MFRP: variants seen among roughly 807,000 people sequenced by gnomAD.
MFRP encodes the protein C1q and TNF related 5.
In MFRP, 74 loss-of-function variants were observed where a neutral mutation model predicts 65.8. That is an observed-to-expected ratio of 1.12 (90% CI 0.93 to 1.36). The LOEUF is 1.36. Among genes scored for constraint, MFRP ranks in the 40% most tolerant of loss-of-function variants. The probability of loss-of-function intolerance (pLI) is 0.00; values close to 1 mark genes in which losing one functional copy is unlikely to be tolerated. For missense variants in MFRP, 838 were observed against 736.0 expected (o/e 1.14, Z -1.60); for synonymous variants, 336 against 288.3 (o/e 1.17, Z -1.68).
At chr11:119,342,797 A>G in intron 10 of MFRP, 70 bp from the exon 11 acceptor site, 1 of 1,612,952 alleles carries the variant, frequency 6.2e-7, no homozygotes, top group Non-Finnish European at 8.5e-7. Context: ...GAGTGTCCTG[A>G]CCAGGGTCCA....
At position 119,339,218 on chromosome 11, in the gene MFRP, C is replaced by T. The variant is rs2135363583; in HGVS notation, c.*1741G>A. On this transcript the variant is annotated 3_prime_UTR_variant, in exon 15 of 15. Coordinates refer to ENST00000619721, the MANE Select transcript of MFRP (RefSeq NM_031433.4). The surrounding 1 kb of genome is among the most constrained non-coding windows in gnomAD (Gnocchi z 5.4). ...GCAGGACGGAGAGTGCTCTACCCCA[C>T]CTCCCTAGTCATTCACAATATTCCA... is the stretch of plus-strand genomic sequence containing the variant. 1 of 1,239,782 alleles carries T rather than the reference C, an allele frequency of 8.1e-7. No individual in the cohort carries two copies. Among genetic ancestry groups the T allele is most frequent in the Middle Eastern group, 2.2e-4 (1 of 4,622 alleles). The allele number at this position is 1,239,782 out of a possible 1,614,324, so 76.8% of individuals were successfully genotyped here.
Position 119,346,147 on chromosome 11 carries a change from C to G in MFRP, c.170G>C (p.Arg57Pro), listed in dbSNP as rs746764269. ...GAAGCGGCAGTCTGGCCGTAGCCCT[C>G]GAGGACGCCGACCTGCGGGTTGGCA... ...VPAPWHGRRP[R>P]GLRPDCRFSW... is the part of the protein sequence containing the mutation. Residue 57 changes from arginine (R) to proline (P), a missense_variant, in exon 3 of 15, where the codon CGA (arginine) becomes CCA (proline). Transcript: ENST00000619721. 2 of 1,593,414 alleles carry G rather than the reference C, an allele frequency of 1.3e-6. No individual in the cohort carries two copies. The highest frequency in any genetic ancestry group is 2.3e-5 in the South Asian group (2 of 88,634).
chr11:119,345,192 T>C (rs186616104), intron 5 of MFRP, among the ~76,000 whole-genome samples, 188 bp from the exon 6 acceptor site: 183 of 152,328 alleles, frequency 1.2e-3, no homozygotes, highest in Non-Finnish European at 2.1e-3. Context: ...TTGTAGCATC[T>C]ACTCATGGGG....
In MFRP at chr11:119,345,521, A is replaced by C. The variant is rs2510143; in HGVS notation, c.540T>G (p.His180Gln). 6.2e-7 allele frequency: 1 copy of C among 1,614,016 alleles called. No individual in the cohort carries two copies. The highest frequency in any genetic ancestry group is 1.7e-5 in the Admixed American group (1 of 60,018). The change falls in exon 5 of 15, where the codon CAT (histidine) becomes CAG (glutamine). Residue 180 changes from histidine to glutamine, a missense_variant. Coordinates refer to ENST00000619721, the MANE Select transcript of MFRP (RefSeq NM_031433.4). ...GGGCTTCGATCTTGAGCTGTATTGC[A>C]TGGTCTGTGGCCACCTGGATATGCC... is the stretch of plus-strand genomic sequence containing the variant. The part of the protein sequence containing the change: ...CVWHIQVATD[H>Q]AIQLKIEALS...
rs3814762 is a variant in MFRP, at chr11:119,345,794, C to G, written c.406G>C (p.Val136Leu). The G allele has an allele frequency of 6.2e-7, 1 of 1,613,430 alleles. No homozygotes were observed. Among genetic ancestry groups the G allele is most frequent in the African/African-American group, 1.3e-5 (1 of 74,972 alleles). The change falls in exon 4 of 15, where the codon GTG becomes CTG. Residue 136 changes from valine (V) to leucine (L), a missense_variant. Physicochemically the swap from Val to Leu is conservative, Grantham distance 32. Transcript: ENST00000619721. Reference sequence around the variant, plus strand: ...TCACTGGACTGTGGGGAGGGGCTCACGCCTGACTCCTGCTGCCCTTTAGGG... The same window carrying G: ...TCACTGGACTGTGGGGAGGGGCTCAGGCCTGACTCCTGCTGCCCTTTAGGG... ...GTPKGQQESG[V>L]SPSPQSTCGG...
Position 119,341,989 on chromosome 11 carries a change from A to G in MFRP, c.1388-5T>C. 1.2e-6 allele frequency: 2 copies of G among 1,613,310 alleles called. No homozygotes were observed. Among genetic ancestry groups the G allele is most frequent in the Non-Finnish European group, 1.7e-6 (2 of 1,180,000 alleles). ...GGACAGGCTCACAGGCCAGCTCTGC[A>G]GGGGTGGAGGGGAGGGCCACTGTGG... On this transcript the variant is annotated splice_region_variant and splice_polypyrimidine_tract_variant and intron_variant, in intron 11 of 14. Transcript: ENST00000619721.
At position 119,342,240 on chromosome 11, in the gene MFRP, G is replaced by A. The variant is rs77169049; in HGVS notation, c.1388-256C>T. On this transcript the variant is annotated intron_variant, in intron 11 of 14. Transcript: ENST00000619721. ...TAATCTCAGGGAACATGGGGCACCC[G>A]CGTTTGCAGGGACTGCTTGGGCATC... is the stretch of plus-strand genomic sequence containing the variant. Among the ~76,000 whole-genome samples the A allele has an allele frequency of 3.4e-3, 517 of 152,308 alleles. 6 individuals are homozygous for A. Among genetic ancestry groups the A allele is most frequent in the African/African-American group, 0.012 (496 of 41,558 alleles).
At position 119,340,734 on chromosome 11, in the gene MFRP, C is replaced by T. The variant is rs1206838218; in HGVS notation, c.*814G>A. On this transcript the variant is annotated 3_prime_UTR_variant, in exon 13 of 15. Transcript: ENST00000619721. ...CCCCGATGGCCTCCTTCGGGGCGCT[C>T]GCTACTCCGGACCCTCCAGTTGGTG... 5 of 363,186 alleles carry T rather than the reference C, an allele frequency of 1.4e-5. No individual in the cohort carries two copies. The East Asian group carries it at 2.0e-4, about 14-fold the overall frequency. The allele number at this position is 363,186 out of a possible 1,614,324, so 22.5% of individuals were successfully genotyped here. A position where few individuals can be genotyped will look rare whatever the true frequency, so the allele number is the denominator to read the frequency against.
intron 11 of MFRP, 144 bp downstream of exon 11, chr11:119,342,452 G>A (rs2135368679): frequency 9.6e-7 from 1 of 1,042,566 alleles, no homozygotes. Context: ...AGGACTCTGT[G>A]AAGTGGTCCC....
At chr11:119,340,496 C>A in intron 13 of MFRP, 56 bp from the exon 14 acceptor site, 1 of 1,323,160 alleles carries the variant, frequency 7.6e-7, no homozygotes, top group Non-Finnish European at 1.0e-6. Context: ...CTGCCTCTCT[C>A]CCCACCCCGG....
Position 119,341,435 on chromosome 11 carries a change from C to T in MFRP, c.*113G>A, listed in dbSNP as rs1950501300. ...CTTCTCTTCCCCCTCCCTGGGAGCCCCAGAGAAGGATGGGTAGAGACCCTG... is the reference window on the plus strand; with the variant it reads ...CTTCTCTTCCCCCTCCCTGGGAGCCTCAGAGAAGGATGGGTAGAGACCCTG... On this transcript the variant is annotated 3_prime_UTR_variant, in exon 13 of 15. Coordinates refer to ENST00000619721, the MANE Select transcript of MFRP (RefSeq NM_031433.4). 1 of 884,134 alleles carries T rather than the reference C, an allele frequency of 1.1e-6. No homozygotes were observed. The highest frequency in any genetic ancestry group is 1.7e-5 in the African/African-American group (1 of 60,138). The allele number at this position is 884,134 out of a possible 1,614,324, so 54.8% of individuals were successfully genotyped here.
rs1219770389 is a variant in MFRP, at chr11:119,338,994, G to A, written c.*1965C>T. On this transcript the variant is annotated 3_prime_UTR_variant, in exon 15 of 15. Coordinates refer to ENST00000619721, the MANE Select transcript of MFRP (RefSeq NM_031433.4). ...TCTGAGAAAAGGGCCGGCCCCAGGAGCAGGAGGGGGTGGGGAGGATCCAGA... is the reference window on the plus strand; with the variant it reads ...TCTGAGAAAAGGGCCGGCCCCAGGAACAGGAGGGGGTGGGGAGGATCCAGA... 7.8e-6 allele frequency: 2 copies of A among 255,458 alleles called. No individual in the cohort carries two copies. The highest frequency in any genetic ancestry group is 1.5e-5 in the Non-Finnish European group (2 of 133,288). The allele number at this position is 255,458 out of a possible 1,614,324, so 15.8% of individuals were successfully genotyped here.
rs754375043 is a variant in MFRP, at chr11:119,342,029, C to T, written c.1388-45G>A. On this transcript the variant is annotated intron_variant, in intron 11 of 14. Coordinates refer to ENST00000619721, the MANE Select transcript of MFRP (RefSeq NM_031433.4). ...GGCCACTGTGGGGACTGCTCACTGG[C>T]TCTGTGGCCTGTGGCAAGTCACCGA... The T allele has an allele frequency of 3.1e-6, 5 of 1,610,482 alleles. No homozygotes were observed. In the South Asian group the frequency reaches 4.4e-5, roughly 14 times the overall value.
chr11:119,345,272 A>G (rs1950549824), intron 5 of MFRP, 148 bp downstream of exon 5: 1 of 856,258 alleles, frequency 1.2e-6, no homozygotes, highest in African/African-American at 1.7e-5. Context: ...TCCTCACGGC[A>G]CACAGCAAGG....
intron 5 of MFRP, 84 bp from the exon 6 acceptor site, chr11:119,345,088 T>C: frequency 6.6e-7 from 1 of 1,525,464 alleles, no homozygotes; most frequent in South Asian, 1.2e-5. Flanking sequence ...TGCAGTCCTA[T>C]TTTCTCAACC....
Position 119,345,021 on chromosome 11 carries a change from TG to T in MFRP, c.642-18del, listed in dbSNP as rs772235270. On this transcript the variant is annotated intron_variant, in intron 5 of 14. Transcript: ENST00000619721. ...CCACAAACCCTGCAAGAAGCCAGGTTGGGGGTGAGGGAGGCTCCAAGAGCAG... is the reference window on the plus strand; with the variant it reads ...CCACAAACCCTGCAAGAAGCCAGGTTGGGGTGAGGGAGGCTCCAAGAGCAG... The T allele has an allele frequency of 2.3e-5, 36 of 1,598,304 alleles. No homozygotes were observed. Among genetic ancestry groups the T allele is most frequent in the African/African-American group, 2.7e-5 (2 of 74,834 alleles).
rs754723666 is a variant in MFRP, at chr11:119,345,846, G to A, written c.354C>T (p.Thr118=). ...GGLTTTTTTP[T]ITTSQAAGTP... is the part of the protein sequence containing the mutation. Reference sequence around the variant, plus strand: ...TCCCAGCTGCCTGAGAGGTGGTGATGGTGGGGGTGGTGGTGGTCGTGGTAA... The same window carrying A: ...TCCCAGCTGCCTGAGAGGTGGTGATAGTGGGGGTGGTGGTGGTCGTGGTAA... The change falls in exon 4 of 15, where the codon ACC becomes ACT. Residue 118 remains threonine (T), a synonymous_variant. Coordinates refer to ENST00000619721, the MANE Select transcript of MFRP (RefSeq NM_031433.4). 2 of 1,613,832 alleles carry A rather than the reference G, an allele frequency of 1.2e-6. No individual in the cohort carries two copies. Among genetic ancestry groups the A allele is most frequent in the African/African-American group, 2.7e-5 (2 of 74,912 alleles).
intron 5 of MFRP, 49 bp from the exon 6 acceptor site, chr11:119,345,053 G>A (rs761845685): frequency 7.0e-5 from 111 of 1,581,810 alleles, no homozygotes; most frequent in Non-Finnish European, 8.8e-5. Context: ...AGCAGGGTCA[G>A]CCAGAGAGGA....
rs773626011 is a variant in MFRP at position 119,339,462 on chromosome 11, G to A, written c.*1497C>T. 5 of 1,614,018 alleles carry A rather than the reference G, an allele frequency of 3.1e-6. No homozygotes were observed. On this transcript the variant is annotated 3_prime_UTR_variant, in exon 15 of 15. Coordinates refer to ENST00000619721, the MANE Select transcript of MFRP (RefSeq NM_031433.4). The surrounding 1 kb of genome is among the most constrained non-coding windows in gnomAD (Gnocchi z 5.4). ...ACCTGCACCCACACTTGGTCCTCAG[G>A]CTCCAGCCTCACCATGGCCCCCCCC...
Sources: gnomAD v4.1 joint callset for allele counts (sites outside exome capture counted in the v4.1 genomes callset) on GRCh38, gnomAD v4.1.1 for gene constraint, Gnocchi (gnomAD v3.1) non-coding constraint, MANE v1.5 for transcripts, NCBI Gene and HGNC (gene_info 2026-07-23, HGNC 2026-07-21) for gene names.